The following GOLGA4 variants were observed in gnomAD, a reference collection of about 807,000 sequenced individuals.
GOLGA4 encodes golgin A4.
A neutral mutation model predicts 265.9 loss-of-function variants in GOLGA4; 169 were observed. The observed-to-expected ratio is 0.64, with a 90% CI of 0.56 to 0.72. The LOEUF (loss-of-function observed/expected upper bound fraction) is 0.72, where lower values mean the gene tolerates loss of function less well. Among genes scored for constraint, GOLGA4 ranks in the 30% least tolerant of loss-of-function variants. The pLI is 0.00. For missense variants in GOLGA4, 2,482 were observed against 2,483.4 expected (o/e 1.00, Z 0.01); for synonymous variants, 923 against 855.8 (o/e 1.08, Z -1.37).
chr3:37,260,078 T>G (rs58746953), intron 2 of GOLGA4, among the ~76,000 whole-genome samples: 1 of 151,756 alleles, frequency 6.6e-6, no homozygotes, highest in African/African-American at 2.4e-5. Context: ...ATCTTTTGGC[T>G]TCCCTGGGCA....
intron 2 of GOLGA4, among the ~76,000 whole-genome samples, chr3:37,255,829 C>G (rs1417610744): frequency 6.6e-6 from 1 of 151,438 alleles, no homozygotes; most frequent in Non-Finnish European, 1.5e-5. Context: ...CTCAGCACTA[C>G]GCAGCTTCAA....
At chr3:37,248,074 T>G (rs2096724268) in intron 1 of GOLGA4, among the ~76,000 whole-genome samples, 1 of 152,202 alleles carries the variant, frequency 6.6e-6, no homozygotes, top group South Asian at 2.1e-4. Context: ...GATAGCTCAT[T>G]ATATTCACAG....
At chr3:37,294,094 C>A (rs912525545) in intron 5 of GOLGA4, among the ~76,000 whole-genome samples, 8 of 152,124 alleles carry the variant, frequency 5.3e-5, no homozygotes, top group African/African-American at 1.4e-4. Flanking sequence ...CTAAAATGAA[C>A]GGGTAATTAC....
intron 2 of GOLGA4, among the ~76,000 whole-genome samples, chr3:37,272,699 G>A (rs1222146159): frequency 6.6e-6 from 1 of 152,158 alleles, no homozygotes; most frequent in Non-Finnish European, 1.5e-5. Context: ...TCAGATATTT[G>A]CCTTTCCTTG....
intron 9 of GOLGA4, 89 bp downstream of exon 9, chr3:37,299,460 C>T: frequency 1.3e-6 from 1 of 753,970 alleles, no homozygotes; most frequent in Non-Finnish European, 2.2e-6. Flanking sequence ...ATGCTTGTTT[C>T]TGTTTTCTAA....
chr3:37,362,120 G>A lies in GOLGA4; in HGVS notation c.*33+815G>A, dbSNP rs191594471. On this transcript the variant is annotated intron_variant, in intron 23 of 23. Coordinates refer to ENST00000361924, the MANE Select transcript of GOLGA4 (RefSeq NM_002078.5). ...ACTATAATTAAAATAAATACTCTCA[G>A]TGATTGTTAATATCCAGCTAATAAT... is the stretch of plus-strand genomic sequence containing the variant. 2.4e-3 allele frequency among the ~76,000 whole-genome samples: 372 copies of A among 152,142 alleles called. 2 individuals are homozygous for A. Among genetic ancestry groups the A allele is most frequent in the African/African-American group, 8.7e-3 (359 of 41,484 alleles).
At chr3:37,260,833 T>C (rs1249388725) in intron 2 of GOLGA4, among the ~76,000 whole-genome samples, 1 of 151,988 alleles carries the variant, frequency 6.6e-6, no homozygotes, top group Non-Finnish European at 1.5e-5. Context: ...TAAATAATAA[T>C]AGTTTTTCAA....
At position 37,336,798 on chromosome 3, in the gene GOLGA4, GAGAAAGAA is replaced by G. The variant is rs1333747209; in HGVS notation, c.6307-341_6307-334del. On this transcript the variant is annotated intron_variant, in intron 17 of 23. Coordinates refer to ENST00000361924, the MANE Select transcript of GOLGA4 (RefSeq NM_002078.5). ...AAAGAGAGAGAGAGAGAAAGAGAAA[GAGAAAGAA>G]AGAGAGAAAGAGAGAGAAAGAAAAC... Among the ~76,000 whole-genome samples, 18 of 151,662 alleles carry G rather than the reference GAGAAAGAA, an allele frequency of 1.2e-4. No homozygotes were observed. In the South Asian group the frequency reaches 3.8e-3, roughly 32 times the overall value.
chr3:37,273,997 G>T (rs2096806167), intron 2 of GOLGA4, among the ~76,000 whole-genome samples: 1 of 151,814 alleles, frequency 6.6e-6, no homozygotes, highest in African/African-American at 2.4e-5. Flanking sequence ...CTACTTAGTT[G>T]GCTGAAGCGT....
Position 37,282,410 on chromosome 3 carries a change from C to G in GOLGA4, c.477+138C>G, listed in dbSNP as rs2096837269. 4.6e-6 allele frequency: 3 copies of G among 657,258 alleles called. No individual in the cohort carries two copies. In the Admixed American group the frequency reaches 8.6e-5, roughly 19 times the overall value. 40.7% of individuals were successfully genotyped at this position (657,258 alleles called of 1,614,324 possible). A position where few individuals can be genotyped will look rare whatever the true frequency, so the allele number is the denominator to read the frequency against. ...ATCCTGGTTACTAATGGTATGTAGT[C>G]TGTGGCATTATCTAGTTAAAGACTC... is the stretch of plus-strand genomic sequence containing the variant. On this transcript the variant is annotated intron_variant, in intron 3 of 23. Transcript: ENST00000361924.
chr3:37,346,250 T>A (rs2097055886), intron 20 of GOLGA4, among the ~76,000 whole-genome samples: 1 of 152,214 alleles, frequency 6.6e-6, no homozygotes, highest in African/African-American at 2.4e-5. Context: ...GAATCCACCA[T>A]CCAGAACATT....
rs71094906 is a variant in GOLGA4 at position 37,362,780 on chromosome 3, C to CTTTTTTTTT, written c.*33+1487_*33+1495dup. Among the ~76,000 whole-genome samples, 17 of 75,458 alleles carry CTTTTTTTTT rather than the reference C, an allele frequency of 2.3e-4. 2 individuals carry two copies. The highest frequency in any genetic ancestry group is 5.1e-4 in the African/African-American group (10 of 19,484). The allele number at this position is 75,458 out of a possible 152,430, so 49.5% of individuals were successfully genotyped here. ...CGATCTTCCTACCTCAGCCTCTAAGCTTTTTTTTTTTTTTTTTTTTGAGAC... is the reference window on the plus strand; with the variant it reads ...CGATCTTCCTACCTCAGCCTCTAAGCTTTTTTTTTTTTTTTTTTTTTTTTTTTTTGAGAC... On this transcript the variant is annotated intron_variant, in intron 23 of 23. Transcript: ENST00000361924.
intron 2 of GOLGA4, among the ~76,000 whole-genome samples, chr3:37,274,178 G>A (rs1313314770): frequency 6.6e-6 from 1 of 151,728 alleles, no homozygotes; most frequent in Non-Finnish European, 1.5e-5. Flanking sequence ...TGAGTTTATA[G>A]TTATAAAAGA....
At chr3:37,321,404 C>T (rs1224460650) in intron 12 of GOLGA4, among the ~76,000 whole-genome samples, 1 of 152,138 alleles carries the variant, frequency 6.6e-6, no homozygotes, top group Non-Finnish European at 1.5e-5. Context: ...ATATCAAACT[C>T]TGGAGTGTAG....
At chr3:37,275,776 A>G (rs1246915794) in intron 2 of GOLGA4, 10 of 1,613,540 alleles carry the variant, frequency 6.2e-6, no homozygotes, top group Non-Finnish European at 8.5e-6. Context: ...TGGATTTGCT[A>G]AAGGAGCTTA....
At chr3:37,334,545 C>T (rs532939995) in intron 16 of GOLGA4, among the ~76,000 whole-genome samples, 2 of 152,190 alleles carry the variant, frequency 1.3e-5, no homozygotes, top group African/African-American at 4.8e-5. Context: ...CTTCTGTGAT[C>T]AGTAAATTGC....
In GOLGA4 at chr3:37,306,501, C is replaced by G. The variant is rs868049166; in HGVS notation, c.1234+4169C>G. On this transcript the variant is annotated intron_variant, in intron 10 of 23. Transcript: ENST00000361924. ...GTTCACACTAGTTCTTGGCTGTTCT[C>G]TGTGTGTGTGTGTGTGTGTGTGTGT... 3.9e-3 allele frequency among the ~76,000 whole-genome samples: 553 copies of G among 140,208 alleles called. 1 individual carries two copies. Among genetic ancestry groups the G allele is most frequent in the Middle Eastern group, 7.2e-3 (2 of 278 alleles). 92.0% of individuals were successfully genotyped at this position (140,208 alleles called of 152,430 possible).
chr3:37,261,044 CCTGTGGTCCCAAG>C (rs2096768468), intron 2 of GOLGA4, among the ~76,000 whole-genome samples: 2 of 151,554 alleles, frequency 1.3e-5, no homozygotes, highest in Non-Finnish European at 2.9e-5. Flanking sequence ...GTGGTGTGCA[CCTGTGGTCCCAAG>C]CTACTTAAGA....
At chr3:37,286,433 G>C (rs943523534) in intron 4 of GOLGA4, among the ~76,000 whole-genome samples, 1 of 152,074 alleles carries the variant, frequency 6.6e-6, no homozygotes, top group Admixed American at 6.5e-5. Context: ...GATTACAGGC[G>C]TGAGCCACCG....
Sources: gnomAD v4.1 joint callset for allele counts (sites outside exome capture counted in the v4.1 genomes callset) on GRCh38, gnomAD v4.1.1 for gene constraint, MANE v1.5 for transcripts, NCBI Gene and HGNC (gene_info 2026-07-23, HGNC 2026-07-21) for gene names.